Variants in MINDY2 observed in about 807,000 individuals in gnomAD.
MINDY2 encodes MINDY lysine 48 deubiquitinase 2.
In MINDY2, 52 loss-of-function variants were observed where a neutral mutation model predicts 68.2. The ratio of observed to expected loss-of-function variants is 0.76; its 90% CI spans 0.61 to 0.96. The LOEUF is 0.96. MINDY2 is among the 40% of genes least tolerant of loss of function. The pLI, the probability that MINDY2 is intolerant of heterozygous loss-of-function variation, is 0.00. For missense variants in MINDY2, 881 were observed against 773.4 expected (o/e 1.14, Z -1.65); for synonymous variants, 372 against 303.0 (o/e 1.23, Z -2.36).
chr15:58,849,506 A>G (rs561884416), intron 7 of MINDY2, among the ~76,000 whole-genome samples: 15 of 152,222 alleles, frequency 9.9e-5, no homozygotes, highest in African/African-American at 2.9e-4. Flanking sequence ...CTCCGTCTCA[A>G]AAAAGAAAAA....
chr15:58,784,710 C>T (rs571157968), intron 1 of MINDY2, among the ~76,000 whole-genome samples: 2 of 147,592 alleles, frequency 1.4e-5, no homozygotes, highest in African/African-American at 5.0e-5. Context: ...GCTTCAAATT[C>T]CTGGGTTCAA....
At chr15:58,801,608 C>T (rs191788815) in intron 2 of MINDY2, among the ~76,000 whole-genome samples, 11 of 152,038 alleles carry the variant, frequency 7.2e-5, no homozygotes, top group African/African-American at 2.4e-4. Context: ...AATAAAAACT[C>T]GTATATAAAA....
At chr15:58,786,594 C>T (rs899422275) in intron 1 of MINDY2, among the ~76,000 whole-genome samples, 1 of 150,632 alleles carries the variant, frequency 6.6e-6, no homozygotes, top group African/African-American at 2.5e-5. Flanking sequence ...TTACTTTTAA[C>T]CTTCTTATTG....
intron 4 of MINDY2, chr15:58,815,711 C>G (rs577964966): frequency 6.6e-6 from 1 of 151,800 alleles, no homozygotes; most frequent in South Asian, 2.1e-4. Flanking sequence ...TGGACAGAGT[C>G]TCACTCTGTC....
chr15:58,786,606 G>C (rs1901519173), intron 1 of MINDY2, among the ~76,000 whole-genome samples: 1 of 151,952 alleles, frequency 6.6e-6, no homozygotes, highest in Non-Finnish European at 1.5e-5. Flanking sequence ...TTCTTATTGT[G>C]AAATATAACA....
chr15:58,857,092 TCC>T lies in MINDY2; in HGVS notation c.*2483_*2484del, dbSNP rs1205269176. The T allele has an allele frequency of 2.0e-5, 3 of 152,216 alleles. No individual in the cohort carries two copies. Among genetic ancestry groups the T allele is most frequent in the African/African-American group, 7.2e-5 (3 of 41,454 alleles). The allele number at this position is 152,216 out of a possible 1,614,324, so 9.4% of individuals were successfully genotyped here. ...ATTCAGCCTTTTTCTATGTAATATT[TCC>T]AAGTCAGACTTTCTTACATTCCTGG... On this transcript the variant is annotated 3_prime_UTR_variant, in exon 9 of 9. Transcript: ENST00000559228.
At chr15:58,782,147 C>A (rs530714504) in intron 1 of MINDY2, among the ~76,000 whole-genome samples, 1 of 151,954 alleles carries the variant, frequency 6.6e-6, no homozygotes, top group South Asian at 2.1e-4. Context: ...TTGAAAAAAG[C>A]GGGTAAAGCT....
intron 5 of MINDY2, among the ~76,000 whole-genome samples, chr15:58,822,399 G>A (rs531417667): frequency 2.0e-5 from 3 of 152,212 alleles, no homozygotes; most frequent in East Asian, 3.9e-4. Context: ...GTATGGTCAG[G>A]TACCCAGAGG....
chr15:58,845,245 A>C (rs1386110877), intron 6 of MINDY2, among the ~76,000 whole-genome samples: 2 of 152,090 alleles, frequency 1.3e-5, no homozygotes, highest in African/African-American at 4.8e-5. Context: ...ATCTCTACTA[A>C]AAATACAAAA....
intron 6 of MINDY2, among the ~76,000 whole-genome samples, chr15:58,839,342 G>GTTTGTTTGTTTT (rs1555434707): frequency 1.3e-5 from 2 of 151,822 alleles, no homozygotes; most frequent in African/African-American, 4.8e-5. Context: ...TTGTTTGTTT[G>GTTTGTTTGTTTT]TTTTTTTGAG....
chr15:58,772,208 C>G lies in MINDY2; in HGVS notation c.813C>G (p.Ile271Met). 2.5e-6 allele frequency: 4 copies of G among 1,612,790 alleles called. No individual in the cohort carries two copies. The highest frequency in any genetic ancestry group is 3.4e-6 in the Non-Finnish European group (4 of 1,180,032). Residue 271 changes from isoleucine to methionine, a missense_variant, in exon 1 of 9, where the codon ATC becomes ATG. Ile to Met is a conservative substitution (Grantham distance 10, BLOSUM62 1). Coordinates refer to ENST00000559228, the MANE Select transcript of MINDY2 (RefSeq NM_001040450.3). ...ACGGACCCTGCCCCTTGCTGGCCAT[C>G]CTCAATGTTTTGCTCCTGGCCTGGA... ...NENGPCPLLAILNVLLLAWKV... is the reference protein window; with the variant it reads ...NENGPCPLLAMLNVLLLAWKV...
chr15:58,774,492 G>GAAAAAAAAAAAAAAAAAAAAAAAA (rs11385535), intron 1 of MINDY2, among the ~76,000 whole-genome samples: 1 of 92,828 alleles, frequency 1.1e-5, no homozygotes, highest in Non-Finnish European at 2.3e-5. Context: ...CCCAAAAAAA[G>GAAAAAAAAAAAAAAAAAAAAAAAA]AAAAAAAAAA....
rs1164613785 is a variant in MINDY2, at chr15:58,802,428, C to G, written c.963+51C>G. 8 of 1,216,162 alleles carry G rather than the reference C, an allele frequency of 6.6e-6. No homozygotes were observed. In the African/African-American group the frequency reaches 1.2e-4, roughly 19 times the overall value. 75.3% of individuals were successfully genotyped at this position (1,216,162 alleles called of 1,614,324 possible). A position where few individuals can be genotyped will look rare whatever the true frequency, so the allele number is the denominator to read the frequency against. Reference sequence around the variant, plus strand: ...TATAATTTTAAAGTTTAAATATATACATTGGTTTCTATTAGTAGCTGGCAG... The same window carrying G: ...TATAATTTTAAAGTTTAAATATATAGATTGGTTTCTATTAGTAGCTGGCAG... On this transcript the variant is annotated intron_variant, in intron 3 of 8. Coordinates refer to ENST00000559228, the MANE Select transcript of MINDY2 (RefSeq NM_001040450.3).
At chr15:58,836,196 G>A (rs1316770008) in intron 6 of MINDY2, among the ~76,000 whole-genome samples, 6 of 151,586 alleles carry the variant, frequency 4.0e-5, no homozygotes, top group Non-Finnish European at 8.8e-5. Context: ...AGGCGTGAGC[G>A]ACCGCACCCG....
rs1162583222 is a variant in MINDY2 at position 58,855,313 on chromosome 15, T to A, written c.*703T>A. ...ATAACCTATCAATATCAGATATTAATGACTTTGTAGTGTTGTAAAATTTTG... is the reference window on the plus strand; with the variant it reads ...ATAACCTATCAATATCAGATATTAAAGACTTTGTAGTGTTGTAAAATTTTG... On this transcript the variant is annotated 3_prime_UTR_variant, in exon 9 of 9. Transcript: ENST00000559228. 1 of 152,658 alleles carries A rather than the reference T, an allele frequency of 6.6e-6. No individual in the cohort carries two copies. The highest frequency in any genetic ancestry group is 1.5e-5 in the Non-Finnish European group (1 of 68,040). The allele number at this position is 152,658 out of a possible 1,614,324, so 9.5% of individuals were successfully genotyped here.
rs1282883369 is a variant in MINDY2 at position 58,854,584 on chromosome 15, G to GA, written c.1847dup (p.Asn616LysfsTer2). 1 of 1,610,890 alleles carries GA rather than the reference G, an allele frequency of 6.2e-7. No homozygotes were observed. Among genetic ancestry groups the GA allele is most frequent in the East Asian group, 2.2e-5 (1 of 44,834 alleles). On this transcript the variant is annotated frameshift_variant, in exon 9 of 9. Transcript: ENST00000559228. LOFTEE classifies it high-confidence loss of function. ...AGAAAAAGATAAAGAAAAAGAAAAGGAAAAAAATAGCTGTGTTATTTTGTA... is the reference window on the plus strand; with the variant it reads ...AGAAAAAGATAAAGAAAAAGAAAAGGAAAAAAAATAGCTGTGTTATTTTGTA...
chr15:58,831,973 G>C (rs913157268), intron 6 of MINDY2, 57 bp downstream of exon 6: 4 of 1,505,288 alleles, frequency 2.7e-6, no homozygotes, highest in Non-Finnish European at 3.6e-6. Context: ...GCTTGATTTA[G>C]AGTTGTCTTT....
At chr15:58,833,317 AT>A (rs2031833262) in intron 6 of MINDY2, among the ~76,000 whole-genome samples, 1 of 152,098 alleles carries the variant, frequency 6.6e-6, no homozygotes, top group Admixed American at 6.6e-5. Flanking sequence ...ATACCTTCTA[AT>A]TTCTGCACTT....
In MINDY2 at chr15:58,861,438, T is replaced by C. The variant is rs1332313603; in HGVS notation, c.*6828T>C. ...CTGAAATAATTCATCTGTTTTGCTT[T>C]ATGACCAGCTTTAATTTCAATTGAG... is the stretch of plus-strand genomic sequence containing the variant. On this transcript the variant is annotated 3_prime_UTR_variant, in exon 9 of 9. Coordinates refer to ENST00000559228, the MANE Select transcript of MINDY2 (RefSeq NM_001040450.3). 1 of 152,202 alleles carries C rather than the reference T, an allele frequency of 6.6e-6. No individual in the cohort carries two copies. Among genetic ancestry groups the C allele is most frequent in the Non-Finnish European group, 1.5e-5 (1 of 68,040 alleles). 9.4% of individuals were successfully genotyped at this position (152,202 alleles called of 1,614,324 possible).
Sources: gnomAD v4.1 joint callset for allele counts (sites outside exome capture counted in the v4.1 genomes callset) on GRCh38, gnomAD v4.1.1 for gene constraint, MANE v1.5 for transcripts, NCBI Gene and HGNC (gene_info 2026-07-23, HGNC 2026-07-21) for gene names.